The following LOC400499 variants were observed in gnomAD, a reference collection of about 807,000 sequenced individuals.
chr16:11,508,918 C>A, the LOC400499 span: 3 of 398,364 alleles, frequency 7.5e-6, no homozygotes, highest in Non-Finnish European at 1.3e-5. Context: ...GCTAGAAAGC[C>A]CTCTGGGAGT....
At chr16:11,396,319 TG>T in the LOC400499 span, 1 of 468,712 alleles carries the variant, frequency 2.1e-6, no homozygotes, top group Non-Finnish European at 3.4e-6. Flanking sequence ...GGGCCAGGCC[TG>T]GGGTTCAGCA....
chr16:11,430,024 G>A, the LOC400499 span, among the ~76,000 whole-genome samples: 1 of 152,146 alleles, frequency 6.6e-6, no homozygotes, highest in Non-Finnish European at 1.5e-5. Flanking sequence ...AGAGATCAAA[G>A]CTAATGTCAC....
At chr16:11,385,134 C>A in the LOC400499 span, 3 of 1,230,770 alleles carry the variant, frequency 2.4e-6, no homozygotes, top group African/African-American at 3.1e-5. Flanking sequence ...AAGTGCCATC[C>A]CCCCAGGCGA....
the LOC400499 span, among the ~76,000 whole-genome samples, chr16:11,429,148 G>A: frequency 6.6e-6 from 1 of 152,186 alleles, no homozygotes; most frequent in South Asian, 2.1e-4. Flanking sequence ...CGTCAGGGGT[G>A]GGGCCTGGTG....
the LOC400499 span, among the ~76,000 whole-genome samples, chr16:11,465,770 G>T: frequency 6.7e-6 from 1 of 149,030 alleles, no homozygotes; most frequent in African/African-American, 2.5e-5. Flanking sequence ...GAAGGCGGGG[G>T]GTGGGCAGAG....
the LOC400499 span, chr16:11,456,747 G>C: frequency 4.6e-6 from 6 of 1,308,124 alleles, no homozygotes; most frequent in Non-Finnish European, 5.3e-6. Context: ...TCTTGAGTTA[G>C]CCTAGCCAAC....
the LOC400499 span, chr16:11,372,597 C>T: frequency 1.4e-5 from 4 of 280,610 alleles, no homozygotes; most frequent in South Asian, 1.3e-4. Context: ...GCAGCACGTG[C>T]GGTTCTGAGT....
chr16:11,431,564 G>T, the LOC400499 span, among the ~76,000 whole-genome samples: 1 of 152,234 alleles, frequency 6.6e-6, no homozygotes, highest in Non-Finnish European at 1.5e-5. Context: ...CACCACAACA[G>T]CTGGCTAGTT....
At chr16:11,512,880 G>A in the LOC400499 span, among the ~76,000 whole-genome samples, 4 of 152,156 alleles carry the variant, frequency 2.6e-5, no homozygotes, top group Non-Finnish European at 5.9e-5. Context: ...TGGGATCCTA[G>A]AAGGCATCCC....
the LOC400499 span, among the ~76,000 whole-genome samples, chr16:11,498,342 G>A: frequency 6.6e-6 from 1 of 152,062 alleles, no homozygotes; most frequent in Non-Finnish European, 1.5e-5. Context: ...AATTAGCCGG[G>A]CCTGGTGGTG....
the LOC400499 span, among the ~76,000 whole-genome samples, chr16:11,492,693 G>A: frequency 1.3e-5 from 2 of 151,976 alleles, no homozygotes; most frequent in East Asian, 1.9e-4. Flanking sequence ...GCTGAGGCAG[G>A]AGAATGGCGT....
the LOC400499 span, among the ~76,000 whole-genome samples, chr16:11,486,272 G>GGAT: frequency 3.2e-3 from 142 of 43,842 alleles, 2 homozygotes; most frequent in East Asian, 0.023. Context: ...GATGGATGGA[G>GGAT]GGATGGATGG....
the LOC400499 span, chr16:11,384,163 G>A: frequency 8.2e-7 from 1 of 1,213,462 alleles, no homozygotes; most frequent in Non-Finnish European, 1.0e-6. Flanking sequence ...TCTGCAGTGA[G>A]CAGCCCTCAA....
At chr16:11,423,500 G>C in the LOC400499 span, among the ~76,000 whole-genome samples, 1 of 152,250 alleles carries the variant, frequency 6.6e-6, no homozygotes, top group Admixed American at 6.5e-5. Flanking sequence ...CTGAACCACA[G>C]AGTAACCATG....
chr16:11,473,937 C>A, the LOC400499 span, among the ~76,000 whole-genome samples: 1 of 152,138 alleles, frequency 6.6e-6, no homozygotes, highest in Non-Finnish European at 1.5e-5. Context: ...CTCACTGTTG[C>A]CTCGACCTCC....
the LOC400499 span, among the ~76,000 whole-genome samples, chr16:11,405,302 G>C: frequency 6.6e-6 from 1 of 152,230 alleles, no homozygotes; most frequent in Non-Finnish European, 1.5e-5. Context: ...CAATCATGTA[G>C]CGAGCAGGTA....
the LOC400499 span, among the ~76,000 whole-genome samples, chr16:11,505,964 G>A: frequency 6.6e-6 from 1 of 152,126 alleles, no homozygotes; most frequent in Non-Finnish European, 1.5e-5. Context: ...GAGTATTAGA[G>A]TCTGATTTCT....
the LOC400499 span, chr16:11,391,645 C>T: frequency 8.1e-7 from 1 of 1,232,004 alleles, no homozygotes; most frequent in Non-Finnish European, 1.0e-6. Context: ...CAGGATTGAG[C>T]CCTCCCCCTC....
the LOC400499 span, among the ~76,000 whole-genome samples, chr16:11,490,877 G>A: frequency 6.6e-6 from 1 of 152,158 alleles, no homozygotes; most frequent in African/African-American, 2.4e-5. Context: ...ATACTGGGGG[G>A]AAGAGGAAGG....
Sources: gnomAD v4.1 joint callset for allele counts (sites outside exome capture counted in the v4.1 genomes callset) on GRCh38, gnomAD v4.1.1 for gene constraint, MANE v1.5 for transcripts.